The following RBFOX3 variants were observed in gnomAD, a reference collection of about 807,000 sequenced individuals.
RBFOX3 encodes the protein RNA binding fox-1 homolog 3.
A neutral mutation model predicts 48.7 loss-of-function variants in RBFOX3; 17 were observed. That is an observed-to-expected ratio of 0.35 (90% CI 0.24 to 0.52). The LOEUF (loss-of-function observed/expected upper bound fraction) is 0.52, where lower values mean the gene tolerates loss of function less well. Among genes scored for constraint, RBFOX3 ranks in the 20% least tolerant of loss-of-function variants. The pLI, the probability that RBFOX3 is intolerant of heterozygous loss-of-function variation, is 0.94. For missense variants in RBFOX3, 382 were observed against 497.5 expected, an observed-to-expected ratio of 0.77 and a Z score of 2.21; for synonymous variants, 212 against 209.5, an observed-to-expected ratio of 1.01 and a Z score of -0.10.
At chr17:79,377,071 T>C (rs9898882) in intron 2 of RBFOX3, among the ~76,000 whole-genome samples, 31,888 of 151,992 alleles carry the variant, frequency 0.21, 3,962 homozygotes, top group African/African-American at 0.33. Flanking sequence ...CAAAACACCC[T>C]AGACCAAAAT....
chr17:79,571,442 CAG>C (rs1433795968), intron 1 of RBFOX3, among the ~76,000 whole-genome samples: 2 of 152,130 alleles, frequency 1.3e-5, no homozygotes, highest in African/African-American at 2.4e-5. Flanking sequence ...ACTGCCAGCC[CAG>C]AGTCTTCCTC....
At chr17:79,541,816 C>T (rs1555790411) in intron 1 of RBFOX3, among the ~76,000 whole-genome samples, 1 of 152,136 alleles carries the variant, frequency 6.6e-6, no homozygotes, top group Non-Finnish European at 1.5e-5. Flanking sequence ...CTGACAGAGT[C>T]CCTCTTGGTT....
At chr17:79,395,827 G>C (rs1193768677) in intron 2 of RBFOX3, among the ~76,000 whole-genome samples, 1 of 152,232 alleles carries the variant, frequency 6.6e-6, no homozygotes, top group Non-Finnish European at 1.5e-5. Context: ...GACTCAGGAG[G>C]CTTGAGATCC....
rs372463683 is a variant in RBFOX3 at position 79,395,053 on chromosome 17, T to C, written c.-174-87229A>G. The stretch of plus-strand genomic sequence containing the variant: ...ATCCCAGTGGTGGCCACAGCTGCTG[T>C]CATTCAGTGCGACTGATGGGGATCC... On this transcript the variant is annotated intron_variant, in intron 2 of 14. Transcript: ENST00000693108. Among the ~76,000 whole-genome samples the C allele has an allele frequency of 2.0e-5, 3 of 152,368 alleles. 1 individual carries two copies. Among genetic ancestry groups the C allele is most frequent in the African/African-American group, 2.4e-5 (1 of 41,596 alleles).
chr17:79,637,839 G>C, the RBFOX3 span, among the ~76,000 whole-genome samples: 1 of 147,858 alleles, frequency 6.8e-6, no homozygotes, highest in East Asian at 2.0e-4. Context: ...AAGGGGAAAA[G>C]GGAAAGGAAA....
chr17:79,636,341 C>T, the RBFOX3 span, among the ~76,000 whole-genome samples: 4 of 152,078 alleles, frequency 2.6e-5, no homozygotes, highest in Non-Finnish European at 4.4e-5. Flanking sequence ...AAAAAATACA[C>T]TACCAATTTT....
Position 79,535,688 on chromosome 17 carries a change from C to A in RBFOX3, c.-319-53090G>T, listed in dbSNP as rs868920250. On this transcript the variant is annotated intron_variant, in intron 1 of 14. Transcript: ENST00000693108. This position sits in a 1 kb window ranked among gnomAD's most constrained non-coding sequence, Gnocchi z 4.5. ...AGTATGCGCAGCCAGGCAAGGTTGC[C>A]TGTGTTGGGGACAGTCAATCGGACA... Among the ~76,000 whole-genome samples, 1 of 152,218 alleles carries A rather than the reference C, an allele frequency of 6.6e-6. No individual in the cohort carries two copies. Among genetic ancestry groups the A allele is most frequent in the African/African-American group, 2.4e-5 (1 of 41,452 alleles).
At chr17:79,188,199 C>T (rs1327875326) in intron 4 of RBFOX3, among the ~76,000 whole-genome samples, 1 of 152,160 alleles carries the variant, frequency 6.6e-6, no homozygotes, top group Admixed American at 6.5e-5. Context: ...CGAGGAAGGG[C>T]TGCTGGGGTG....
chr17:79,330,440 G>C (rs1050079150), intron 2 of RBFOX3, among the ~76,000 whole-genome samples: 2 of 114,790 alleles, frequency 1.7e-5, no homozygotes, highest in African/African-American at 3.3e-5. Flanking sequence ...CGAGCACAAC[G>C]ATGCCACCTG....
At chr17:79,613,344 G>A (rs1420087618), upstream of RBFOX3, among the ~76,000 whole-genome samples, 4 of 152,222 alleles carry the variant, frequency 2.6e-5, no homozygotes, top group Admixed American at 1.3e-4. Context: ...CAGCCAGGCC[G>A]GCCTCATTAC....
chr17:79,494,632 G>A (rs1271972313), intron 1 of RBFOX3, among the ~76,000 whole-genome samples: 1 of 152,264 alleles, frequency 6.6e-6, no homozygotes, highest in Non-Finnish European at 1.5e-5. Context: ...GTGGAGGCTT[G>A]AAGGAGCGGG....
intron 3 of RBFOX3, among the ~76,000 whole-genome samples, chr17:79,262,749 G>A (rs909994226): frequency 2.0e-5 from 3 of 152,234 alleles, no homozygotes; most frequent in Admixed American, 6.5e-5. Flanking sequence ...GGGGCATGAG[G>A]ACAGCCAGGC....
At position 79,191,756 on chromosome 17, in the gene RBFOX3, C is replaced by G. The variant is rs1271198961; in HGVS notation, c.-34+44010G>C. Among the ~76,000 whole-genome samples, 2 of 152,186 alleles carry G rather than the reference C, an allele frequency of 1.3e-5. 1 individual carries two copies. The highest frequency in any genetic ancestry group is 1.3e-4 in the Admixed American group (2 of 15,288). ...CTGCCAGGAAGCAAAGGAACAGATG[C>G]AGACGGTAACCTACAGACTCACCTC... is the stretch of plus-strand genomic sequence containing the variant. On this transcript the variant is annotated intron_variant, in intron 4 of 14. Coordinates refer to ENST00000693108, the MANE Select transcript of RBFOX3 (RefSeq NM_001350451.2).
rs943277172 is a variant in RBFOX3 at position 79,199,065 on chromosome 17, A to G, written c.-34+36701T>C. On this transcript the variant is annotated intron_variant, in intron 4 of 14. Coordinates refer to ENST00000693108, the MANE Select transcript of RBFOX3 (RefSeq NM_001350451.2). This position sits in a 1 kb window ranked among gnomAD's most constrained non-coding sequence, Gnocchi z 5.1. Reference sequence around the variant, plus strand: ...GGCTGTTGACTGAGAACTGGTTTTTAGGGAGAGAGGGAGGAGACCCAGAAA... The same window carrying G: ...GGCTGTTGACTGAGAACTGGTTTTTGGGGAGAGAGGGAGGAGACCCAGAAA... Among the ~76,000 whole-genome samples the G allele has an allele frequency of 1.7e-4, 26 of 152,240 alleles. No homozygotes were observed. Among genetic ancestry groups the G allele is most frequent in the African/African-American group, 6.0e-4 (25 of 41,542 alleles).
chr17:79,522,539 C>T (rs1052987020), intron 1 of RBFOX3, among the ~76,000 whole-genome samples: 5 of 152,142 alleles, frequency 3.3e-5, no homozygotes, highest in East Asian at 3.9e-4. Flanking sequence ...TGTATTAAGA[C>T]GGCATCACAT....
chr17:79,118,690 TG>T (rs2034801741), intron 4 of RBFOX3, among the ~76,000 whole-genome samples: 1 of 151,994 alleles, frequency 6.6e-6, no homozygotes, highest in Non-Finnish European at 1.5e-5. Flanking sequence ...AGTGGGCTCC[TG>T]GTTGGGTGCA....
chr17:79,440,542 C>T (rs1271895789), intron 2 of RBFOX3, among the ~76,000 whole-genome samples: 2 of 152,190 alleles, frequency 1.3e-5, no homozygotes, highest in African/African-American at 4.8e-5. Flanking sequence ...CTCTGCCGAC[C>T]TCTCCCACAG....
intron 4 of RBFOX3, among the ~76,000 whole-genome samples, chr17:79,210,045 G>A (rs2058160044): frequency 6.6e-6 from 1 of 151,690 alleles, no homozygotes; most frequent in Non-Finnish European, 1.5e-5. Context: ...TTCTGTGTGC[G>A]CACAGAGGCG....
At chr17:79,175,181 C>T (rs568191437) in intron 4 of RBFOX3, among the ~76,000 whole-genome samples, 2 of 152,358 alleles carry the variant, frequency 1.3e-5, no homozygotes, top group South Asian at 2.1e-4. Context: ...GAGTACCTGG[C>T]GATGGCCAAA....
Sources: allele counts gnomAD v4.1 joint callset (sites outside exome capture counted in the v4.1 genomes callset), GRCh38; gene constraint gnomAD v4.1.1; non-coding constraint Gnocchi (gnomAD v3.1); transcripts MANE v1.5; gene names NCBI Gene and HGNC (gene_info 2026-07-23, HGNC 2026-07-21).